Variants in IFT46 observed in about 807,000 individuals in gnomAD.
The protein encoded by IFT46 is intraflagellar transport protein 46 homolog.
In IFT46, 19 loss-of-function variants were observed where a neutral mutation model predicts 39.6. That is an observed-to-expected ratio of 0.48 (90% CI 0.33 to 0.70). The LOEUF (loss-of-function observed/expected upper bound fraction) is 0.70. IFT46 is among the 30% of genes least tolerant of loss of function. IFT46 has a pLI of 0.01. For synonymous variants in IFT46, 117 were observed against 134.8 expected (o/e 0.87, Z 0.91); for missense variants, 334 against 364.8 (o/e 0.92, Z 0.69).
chr11:118,548,766 C>A (rs976826012), intron 9 of IFT46, among the ~76,000 whole-genome samples: 4 of 150,328 alleles, frequency 2.7e-5, no homozygotes, highest in Admixed American at 1.3e-4. Context: ...GCTGGGATTA[C>A]AGGTGTGAGC....
chr11:118,559,015 C>T (rs1335482897), intron 3 of IFT46, among the ~76,000 whole-genome samples: 2 of 150,572 alleles, frequency 1.3e-5, no homozygotes, highest in East Asian at 2.0e-4. Flanking sequence ...TACAGGCACC[C>T]GCCACCACGC....
upstream of IFT46, among the ~76,000 whole-genome samples, chr11:118,576,473 A>G (rs889622682): frequency 2.1e-4 from 31 of 146,730 alleles, no homozygotes; most frequent in Non-Finnish European, 3.7e-4. Context: ...AATCATATTT[A>G]TTAATTCTTC....
chr11:118,565,066 G>A lies in IFT46; in HGVS notation c.-132-5C>T, dbSNP rs1938180459. On this transcript the variant is annotated splice_polypyrimidine_tract_variant and splice_region_variant and intron_variant, in intron 1 of 11. Coordinates refer to ENST00000264021, the MANE Select transcript of IFT46 (RefSeq NM_001168618.2). ...CTGGTTTTCAACAACCTTGGTCTAA[G>A]CAAAGGGAGACATAATTCATAGCTC... is the stretch of plus-strand genomic sequence containing the variant. 1 of 152,422 alleles carries A rather than the reference G, an allele frequency of 6.6e-6. No individual in the cohort carries two copies. Among genetic ancestry groups the A allele is most frequent in the African/African-American group, 2.4e-5 (1 of 41,390 alleles). The allele number at this position is 152,422 out of a possible 1,614,324, so 9.4% of individuals were successfully genotyped here.
At chr11:118,554,430 C>G in intron 7 of IFT46, 29 bp downstream of exon 7, 2 of 1,565,942 alleles carry the variant, frequency 1.3e-6, no homozygotes, top group Admixed American at 2.0e-5. Context: ...CCCTCTCCAG[C>G]TGGGGCCTAT....
chr11:118,546,296 G>A (rs763170497), intron 9 of IFT46: 13 of 631,062 alleles, frequency 2.1e-5, no homozygotes, highest in Admixed American at 8.3e-5. Flanking sequence ...CTAGGAGTTC[G>A]AGACCAGCCT....
rs931850101 is a variant in IFT46, at chr11:118,556,890, G to C, written c.185+16C>G. On this transcript the variant is annotated intron_variant, in intron 4 of 11. Coordinates refer to ENST00000264021, the MANE Select transcript of IFT46 (RefSeq NM_001168618.2). ...TATTCTGAAGAGCACCCTTGGCTTG[G>C]GTGTTCTTTCCTCACCCTTCCAGAG... 6.4e-7 allele frequency: 1 copy of C among 1,563,140 alleles called. No individual in the cohort carries two copies. The highest frequency in any genetic ancestry group is 1.8e-5 in the Admixed American group (1 of 55,050).
At chr11:118,547,108 C>T (rs1325339642) in intron 9 of IFT46, 3 of 152,138 alleles carry the variant, frequency 2.0e-5, no homozygotes, top group African/African-American at 7.2e-5. Flanking sequence ...CTATTCAATC[C>T]CCTAATCAGA....
At chr11:118,572,226 C>A (rs937138284) in intron 1 of IFT46, among the ~76,000 whole-genome samples, 2 of 151,990 alleles carry the variant, frequency 1.3e-5, no homozygotes, top group African/African-American at 4.8e-5. Context: ...TAAATGAAGG[C>A]GATGACAGTG....
intron 9 of IFT46, among the ~76,000 whole-genome samples, chr11:118,547,832 C>T (rs565367041): frequency 1.8e-4 from 27 of 149,578 alleles, no homozygotes; most frequent in Middle Eastern, 3.5e-3. Flanking sequence ...CTACAATCTC[C>T]GTCTCCCGGG....
intron 2 of IFT46, chr11:118,560,663 C>G: frequency 1.9e-6 from 1 of 522,448 alleles, no homozygotes; most frequent in Non-Finnish European, 3.5e-6. Context: ...TCTGTCGAGC[C>G]GCAAACGCGG....
intron 11 of IFT46, 73 bp downstream of exon 11, chr11:118,545,336 C>T (rs778752526): frequency 1.8e-6 from 2 of 1,122,862 alleles, no homozygotes; most frequent in Non-Finnish European, 2.7e-6. Flanking sequence ...GATGCAATCA[C>T]AGCAGGCTCA....
At chr11:118,553,247 G>C (rs1300316450) in intron 7 of IFT46, among the ~76,000 whole-genome samples, 1 of 152,050 alleles carries the variant, frequency 6.6e-6, no homozygotes, top group African/African-American at 2.4e-5. Flanking sequence ...TTCGAGACCA[G>C]CCTGACCAAC....
chr11:118,572,985 AC>A, upstream of IFT46: 1 of 191,594 alleles, frequency 5.2e-6, no homozygotes, highest in Non-Finnish European at 1.1e-5. Context: ...CTTGTCTCCC[AC>A]CCCCGGTGTT....
At chr11:118,571,818 G>A (rs1938341921) in intron 1 of IFT46, among the ~76,000 whole-genome samples, 1 of 152,162 alleles carries the variant, frequency 6.6e-6, no homozygotes, top group Non-Finnish European at 1.5e-5. Flanking sequence ...GGCCAGGCGC[G>A]GTGGCTGACG....
Position 118,545,646 on chromosome 11 carries a change from C to A in IFT46, c.733+147G>T, listed in dbSNP as rs1951662840. On this transcript the variant is annotated intron_variant, in intron 10 of 11. Transcript: ENST00000264021. ...GCAGGTAGTCACATAAGCCAAACAC[C>A]ACCTTTGAGTGCTGCCAAAGAGCAC... 2.8e-6 allele frequency: 3 copies of A among 1,090,446 alleles called. 1 individual carries two copies. Among genetic ancestry groups the A allele is most frequent in the South Asian group, 2.7e-5 (2 of 74,392 alleles). 67.5% of individuals were successfully genotyped at this position (1,090,446 alleles called of 1,614,324 possible).
At chr11:118,569,471 T>C (rs1938293828), upstream of IFT46, among the ~76,000 whole-genome samples, 2 of 151,936 alleles carry the variant, frequency 1.3e-5, no homozygotes, top group Non-Finnish European at 2.9e-5. Flanking sequence ...AAAATACAGT[T>C]TGACATATAT....
intron 4 of IFT46, among the ~76,000 whole-genome samples, chr11:118,556,297 C>T (rs1196242573): frequency 2.6e-5 from 4 of 152,142 alleles, no homozygotes; most frequent in African/African-American, 9.7e-5. Flanking sequence ...CGAGACCATC[C>T]TGGCTAACAC....
At position 118,545,017 on chromosome 11, in the gene IFT46, A is replaced by T. The variant is rs1340626078; in HGVS notation, c.820-6T>A. 1.9e-6 allele frequency: 3 copies of T among 1,593,468 alleles called. No individual in the cohort carries two copies. In the African/African-American group the frequency reaches 4.0e-5, roughly 21 times the overall value. On this transcript the variant is annotated splice_polypyrimidine_tract_variant and splice_region_variant and intron_variant, in intron 11 of 11. Coordinates refer to ENST00000264021, the MANE Select transcript of IFT46 (RefSeq NM_001168618.2). ...TCAGCGAGAGCTTTAAAATGCTGCA[A>T]GGAAGAGGAGAGGGAATATTGAGTA...
rs1951685720 is a variant in IFT46 at position 118,546,345 on chromosome 11, G to C, written c.673-492C>G. On this transcript the variant is annotated intron_variant, in intron 9 of 11. Transcript: ENST00000264021. Reference sequence around the variant, plus strand: ...AAATTCCATCTCTACAAAAAAATTAGCCGGGTGTGGTGTTGAGTATCTGTA... The same window carrying C: ...AAATTCCATCTCTACAAAAAAATTACCCGGGTGTGGTGTTGAGTATCTGTA... 5.2e-6 allele frequency: 3 copies of C among 573,548 alleles called. No individual in the cohort carries two copies. In the African/African-American group the frequency reaches 5.7e-5, roughly 11 times the overall value. The allele number at this position is 573,548 out of a possible 1,614,324, so 35.5% of individuals were successfully genotyped here. A position where few individuals can be genotyped will look rare whatever the true frequency, so the allele number is the denominator to read the frequency against.
Sources: gnomAD v4.1 joint callset for allele counts (sites outside exome capture counted in the v4.1 genomes callset) on GRCh38, gnomAD v4.1.1 for gene constraint, MANE v1.5 for transcripts, NCBI Gene and HGNC (gene_info 2026-07-23, HGNC 2026-07-21) for gene names.